The following RXFP1 variants were observed in gnomAD, a reference collection of about 807,000 sequenced individuals.
RXFP1 encodes the protein relaxin family peptide receptor 1.
In RXFP1, 73 loss-of-function variants were observed where a neutral mutation model predicts 89.8. The observed-to-expected ratio is 0.81, with a 90% CI of 0.67 to 0.99. RXFP1 has a LOEUF of 0.99. Ranked by LOEUF, RXFP1 falls within the 50% of genes least tolerant of loss-of-function variation. RXFP1 has a pLI of 0.00. For missense variants in RXFP1, 793 were observed against 895.5 expected (o/e 0.89, Z 1.46); for synonymous variants, 277 against 305.5 (o/e 0.91, Z 0.97).
At chr4:158,626,920 A>C in intron 10 of RXFP1, 29 bp downstream of exon 10, 1 of 1,165,712 alleles carries the variant, frequency 8.6e-7, no homozygotes, top group Non-Finnish European at 1.2e-6. Flanking sequence ...TTTTGAAGTA[A>C]TATTATCTTT....
At chr4:158,544,099 C>A in intron 1 of RXFP1, 1 of 980,486 alleles carries the variant, frequency 1.0e-6, no homozygotes, top group Non-Finnish European at 1.2e-6. Flanking sequence ...AGAGAACCAT[C>A]TTTTTATTTT....
At chr4:158,632,911 C>T (rs1768375354) in intron 11 of RXFP1, among the ~76,000 whole-genome samples, 1 of 152,176 alleles carries the variant, frequency 6.6e-6, no homozygotes, top group East Asian at 1.9e-4. Flanking sequence ...GTGGCTCACG[C>T]CTGTAATCCC....
Position 158,626,891 on chromosome 4 carries a change from T to C in RXFP1, c.827T>C (p.Leu276Ser). The change falls in exon 10 of 18, where the codon TTA becomes TCA. Residue 276 changes from leucine (L) to serine (S), a missense_variant and splice_region_variant. Coordinates refer to ENST00000307765, the MANE Select transcript of RXFP1 (RefSeq NM_021634.4). ...TFISCSNLTV[L>S]VMRKNKINHL... ...ATTTCCTGCAGTAATTTAACTGTTTTGTAAGTAATATGCTATGCTTTTGAA... is the reference window on the plus strand; with the variant it reads ...ATTTCCTGCAGTAATTTAACTGTTTCGTAAGTAATATGCTATGCTTTTGAA... 2 of 1,422,040 alleles carry C rather than the reference T, an allele frequency of 1.4e-6. No homozygotes were observed. The highest frequency in any genetic ancestry group is 2.0e-6 in the Non-Finnish European group (2 of 1,023,642). 88.1% of individuals were successfully genotyped at this position (1,422,040 alleles called of 1,614,324 possible).
At chr4:158,644,075 C>T (rs868357463) in intron 14 of RXFP1, among the ~76,000 whole-genome samples, 4 of 143,758 alleles carry the variant, frequency 2.8e-5, no homozygotes, top group South Asian at 2.2e-4. Context: ...GACAGAGTCT[C>T]GCTCTGTCGC....
intron 1 of RXFP1, among the ~76,000 whole-genome samples, chr4:158,550,507 G>C (rs1242551261): frequency 5.9e-5 from 9 of 152,212 alleles, no homozygotes; most frequent in Non-Finnish European, 4.4e-5. Context: ...CGGTACCTCA[G>C]ATGGAAATGC....
intron 12 of RXFP1, among the ~76,000 whole-genome samples, chr4:158,637,477 C>A (rs557941553): frequency 6.6e-6 from 1 of 152,248 alleles, no homozygotes; most frequent in East Asian, 1.9e-4. Flanking sequence ...TTGCATTTCT[C>A]TGATGATTAG....
intron 1 of RXFP1, among the ~76,000 whole-genome samples, chr4:158,571,163 A>G (rs560788718): frequency 6.6e-5 from 10 of 152,278 alleles, no homozygotes; most frequent in South Asian, 4.1e-4. Context: ...AACTTGTTCA[A>G]TGTATCCTCC....
In RXFP1 at chr4:158,530,167, G is replaced by C. The variant is rs554303222; in HGVS notation, c.49+8142G>C. On this transcript the variant is annotated intron_variant, in intron 1 of 17. Transcript: ENST00000307765. ...TAGAACATGCAAATAGATAGGAAAT[G>C]ACAAATTTTGAACAAAATTTATATG... 9.9e-5 allele frequency among the ~76,000 whole-genome samples: 15 copies of C among 152,272 alleles called. 1 individual carries two copies. Among genetic ancestry groups the C allele is most frequent in the African/African-American group, 3.6e-4 (15 of 41,564 alleles).
intron 11 of RXFP1, among the ~76,000 whole-genome samples, chr4:158,630,146 C>A (rs74403288): frequency 0.012 from 1,781 of 152,266 alleles, 27 homozygotes; most frequent in Non-Finnish European, 0.015. Context: ...GGAGCAGGAA[C>A]GTTTCTCAGG....
chr4:158,544,441 T>G, intron 1 of RXFP1: 1 of 778,866 alleles, frequency 1.3e-6, no homozygotes, highest in Non-Finnish European at 1.6e-6. Flanking sequence ...TTCATCTTTT[T>G]TTTTTTAATT....
chr4:158,527,564 A>AAAAAAAAATATATAT (rs5741905), intron 1 of RXFP1, among the ~76,000 whole-genome samples: 4 of 98,338 alleles, frequency 4.1e-5, no homozygotes, highest in East Asian at 6.3e-4. Flanking sequence ...AAAAAAAAAA[A>AAAAAAAAATATATAT]ATATATATAT....
intron 1 of RXFP1, among the ~76,000 whole-genome samples, chr4:158,546,875 A>G (rs1416838257): frequency 6.6e-6 from 1 of 152,176 alleles, no homozygotes; most frequent in Non-Finnish European, 1.5e-5. Flanking sequence ...GGATTTTTGC[A>G]TCAATGTTCA....
chr4:158,552,576 G>T (rs1431393821), intron 1 of RXFP1, among the ~76,000 whole-genome samples: 1 of 152,086 alleles, frequency 6.6e-6, no homozygotes, highest in African/African-American at 2.4e-5. Flanking sequence ...CTTTCACATA[G>T]AAATGTAATA....
intron 2 of RXFP1, among the ~76,000 whole-genome samples, chr4:158,580,413 A>T (rs977480026): frequency 7.9e-5 from 12 of 152,182 alleles, no homozygotes; most frequent in African/African-American, 2.9e-4. Flanking sequence ...TACAGAAAAA[A>T]TGTTTAAATG....
At chr4:158,594,027 A>T (rs1003303188) in intron 3 of RXFP1, among the ~76,000 whole-genome samples, 2 of 152,252 alleles carry the variant, frequency 1.3e-5, no homozygotes, top group Non-Finnish European at 1.5e-5. Flanking sequence ...AATATTTTAG[A>T]TCAGAAAGAT....
chr4:158,572,730 T>C lies in RXFP1; in HGVS notation c.82T>C (p.Ser28Pro), dbSNP rs960491580. Reference sequence around the variant, plus strand: ...TGGGGGTGGACAGGATGTCAAGTGCTCCCTTGGCTATTTCCCCTGTGGGAA... The same window carrying C: ...TGGGGGTGGACAGGATGTCAAGTGCCCCCTTGGCTATTTCCCCTGTGGGAA... ...SHGGGQDVKC[S>P]LGYFPCGNIT... is the part of the protein sequence containing the mutation. Residue 28 changes from serine (S) to proline (P), a missense_variant, in exon 2 of 18, where the codon TCC becomes CCC. By Grantham distance (74) the Ser-to-Pro change is moderately conservative. Transcript: ENST00000307765. The C allele has an allele frequency of 1.2e-6, 2 of 1,614,194 alleles. No individual in the cohort carries two copies. Among genetic ancestry groups the C allele is most frequent in the Non-Finnish European group, 1.7e-6 (2 of 1,180,040 alleles).
intron 3 of RXFP1, among the ~76,000 whole-genome samples, chr4:158,596,400 A>G (rs1387383874): frequency 1.3e-5 from 2 of 151,446 alleles, no homozygotes; most frequent in African/African-American, 4.9e-5. Context: ...AGTTTGGATT[A>G]CAGACATGTG....
chr4:158,635,672 T>C (rs1769005572), intron 12 of RXFP1, among the ~76,000 whole-genome samples: 1 of 152,146 alleles, frequency 6.6e-6, no homozygotes, highest in South Asian at 2.1e-4. Context: ...TTATGTGAGG[T>C]AGTTTCCTTT....
intron 1 of RXFP1, among the ~76,000 whole-genome samples, chr4:158,557,366 T>C (rs1220075575): frequency 5.9e-5 from 9 of 152,346 alleles, no homozygotes; most frequent in Admixed American, 1.3e-4. Context: ...ATTTTTTTAA[T>C]TGATAAATTC....
Sources: gnomAD v4.1 joint callset for allele counts (sites outside exome capture counted in the v4.1 genomes callset) on GRCh38, gnomAD v4.1.1 for gene constraint, MANE v1.5 for transcripts, NCBI Gene and HGNC (gene_info 2026-07-23, HGNC 2026-07-21) for gene names.